HLTF: variants seen among roughly 807,000 people sequenced by gnomAD.
HLTF encodes the protein DNA-dependent ATPase/E3 ubiquitin-protein ligase HLTF.
A neutral mutation model predicts 129.4 loss-of-function variants in HLTF; 127 were observed. The ratio of observed to expected loss-of-function variants is 0.98; its 90% CI spans 0.85 to 1.14. The LOEUF is 1.14. HLTF is among the 50% of genes most tolerant of loss of function. The pLI, the probability that HLTF is intolerant of heterozygous loss-of-function variation, is 0.00. For missense variants in HLTF, 1,139 were observed against 1,187.1 expected (o/e 0.96, Z 0.60); for synonymous variants, 332 against 388.8 (o/e 0.85, Z 1.72).
intron 24 of HLTF, among the ~76,000 whole-genome samples, chr3:149,033,617 A>T (rs1307999208): frequency 1.3e-5 from 2 of 152,080 alleles, no homozygotes; most frequent in Non-Finnish European, 2.9e-5. Context: ...AAATTAGTTT[A>T]TGATGAAAGT....
Position 149,048,141 on chromosome 3 carries a change from T to C in HLTF, c.1779A>G (p.Leu593=). The change falls in exon 17 of 25, where the codon TTA becomes TTG. Residue 593 remains leucine (L), a synonymous_variant. Transcript: ENST00000310053. ...AGGAAAGAAGAGACCACAAGTCCTT[T>C]AAAGAATTCTGGATTGGAGTACCTA... is the stretch of plus-strand genomic sequence containing the variant. ...VLTGTPIQNS[L]KDLWSLLSFL... is the part of the protein sequence containing the mutation. 7 of 1,609,322 alleles carry C rather than the reference T, an allele frequency of 4.3e-6. No individual in the cohort carries two copies. Among genetic ancestry groups the C allele is most frequent in the Non-Finnish European group, 5.9e-6 (7 of 1,178,198 alleles).
At chr3:149,043,672 C>T (rs1221953978) in intron 18 of HLTF, among the ~76,000 whole-genome samples, 1 of 151,904 alleles carries the variant, frequency 6.6e-6, no homozygotes, top group African/African-American at 2.4e-5. Flanking sequence ...ACCAGGCCAT[C>T]TGATATTTAA....
In HLTF at chr3:149,084,738, C is replaced by T. The variant is rs1438830457; in HGVS notation, c.172G>A (p.Val58Ile). ...TGACCTCTCAAACTTCCAAATAAAA[C>T]GGAATCTACTTCTTCATCACTAGTT... The part of the protein sequence containing the change: ...FLTSDEEVDS[V>I]LFGSLRGHVV... Residue 58 changes from valine to isoleucine, a missense_variant, in exon 2 of 25, where the codon GTT becomes ATT. By Grantham distance (29) the Val-to-Ile change is conservative. Coordinates refer to ENST00000310053, the MANE Select transcript of HLTF (RefSeq NM_003071.4). 8 of 1,613,924 alleles carry T rather than the reference C, an allele frequency of 5.0e-6. No individual in the cohort carries two copies. Among genetic ancestry groups the T allele is most frequent in the South Asian group, 1.1e-5 (1 of 91,082 alleles).
chr3:149,037,899 C>T (rs541665122), intron 23 of HLTF, among the ~76,000 whole-genome samples: 24 of 152,312 alleles, frequency 1.6e-4, no homozygotes, highest in Middle Eastern at 6.8e-3. Context: ...TATGTGAATG[C>T]ACGTCCAGGT....
At chr3:149,079,368 G>T (rs2108066613) in intron 2 of HLTF, among the ~76,000 whole-genome samples, 2 of 31,602 alleles carry the variant, frequency 6.3e-5, no homozygotes, top group Admixed American at 4.1e-4. Flanking sequence ...GGTAACGACA[G>T]TTTCTAAAAA....
At chr3:149,046,962 T>C (rs574730137) in intron 17 of HLTF, among the ~76,000 whole-genome samples, 1 of 152,304 alleles carries the variant, frequency 6.6e-6, no homozygotes, top group East Asian at 1.9e-4. Context: ...TCTTGAAGCT[T>C]TCTCACTATA....
At chr3:149,046,043 A>C in intron 18 of HLTF, 37 bp downstream of exon 18, 1 of 1,519,530 alleles carries the variant, frequency 6.6e-7, no homozygotes, top group South Asian at 1.2e-5. Context: ...CAAAGTAAAC[A>C]AAAACTAATT....
intron 23 of HLTF, among the ~76,000 whole-genome samples, chr3:149,038,068 C>T (rs1715806245): frequency 6.6e-6 from 1 of 152,164 alleles, no homozygotes; most frequent in Admixed American, 6.5e-5. Context: ...TGATCCTAGA[C>T]CACCTGTACC....
At chr3:149,032,887 C>T (rs1203576382) in intron 24 of HLTF, among the ~76,000 whole-genome samples, 8 of 144,986 alleles carry the variant, frequency 5.5e-5, no homozygotes, top group African/African-American at 2.1e-4. Flanking sequence ...GGTGTGAACC[C>T]GGGAGGCGGA....
Position 149,040,156 on chromosome 3 carries a change from G to T in HLTF, c.2377C>A (p.Pro793Thr), listed in dbSNP as rs866816750. 6.2e-7 allele frequency: 1 copy of T among 1,604,098 alleles called. No homozygotes were observed. ...CTGCATAAAGGGCATTTAGCATGTGGCTATATAAGAAAGAACGAAGTATGA... is the reference window on the plus strand; with the variant it reads ...CTGCATAAAGGGCATTTAGCATGTGTCTATATAAGAAAGAACGAAGTATGA... ...CICQVIQNEQ[P>T]HAKCPLCRND... Residue 793 changes from proline (P) to threonine (T), a missense_variant and splice_region_variant, in exon 21 of 25, where the codon CCA (proline) becomes ACA (threonine). Transcript: ENST00000310053.
chr3:149,078,694 A>T (rs1719606270), intron 2 of HLTF, among the ~76,000 whole-genome samples: 1 of 152,040 alleles, frequency 6.6e-6, no homozygotes, highest in Non-Finnish European at 1.5e-5. Flanking sequence ...CGTCTCTACT[A>T]AAAATACAAA....
chr3:149,045,407 C>T (rs368784035), intron 18 of HLTF, among the ~76,000 whole-genome samples: 178 of 152,172 alleles, frequency 1.2e-3, no homozygotes, highest in Middle Eastern at 3.4e-3. Context: ...ATATAAATTC[C>T]TCGAGTGCAG....
intron 18 of HLTF, among the ~76,000 whole-genome samples, chr3:149,044,783 T>C (rs937567474): frequency 6.6e-6 from 1 of 152,128 alleles, no homozygotes; most frequent in African/African-American, 2.4e-5. Context: ...CTCTTTCACA[T>C]GCCATAACAT....
intron 8 of HLTF, among the ~76,000 whole-genome samples, chr3:149,066,396 T>C (rs1718386475): frequency 6.6e-6 from 1 of 152,314 alleles, no homozygotes; most frequent in Admixed American, 6.5e-5. Context: ...TTTTTCTCTA[T>C]AAAGTTCAAA....
intron 10 of HLTF, among the ~76,000 whole-genome samples, chr3:149,062,375 T>C (rs1431299026): frequency 6.6e-6 from 1 of 152,222 alleles, no homozygotes; most frequent in Non-Finnish European, 1.5e-5. Context: ...TCTGAAGCAA[T>C]TAGATTTAGA....
In HLTF at chr3:149,048,636, G is replaced by T. The variant is rs553753484; in HGVS notation, c.1756+227C>A. Among the ~76,000 whole-genome samples the T allele has an allele frequency of 3.4e-3, 514 of 152,206 alleles. 1 individual carries two copies. Among genetic ancestry groups the T allele is most frequent in the African/African-American group, 0.012 (497 of 41,550 alleles). On this transcript the variant is annotated intron_variant, in intron 16 of 24. Coordinates refer to ENST00000310053, the MANE Select transcript of HLTF (RefSeq NM_003071.4). ...CTAGAGTGTCTACTCCATTTCCAAG[G>T]TTCAAGAATAAGTCTAGTGACTGTT...
At chr3:149,053,845 C>T (rs1415112642) in intron 14 of HLTF, among the ~76,000 whole-genome samples, 1 of 152,102 alleles carries the variant, frequency 6.6e-6, no homozygotes, top group Non-Finnish European at 1.5e-5. Context: ...TTTATACCTC[C>T]ATTAATACTC....
intron 1 of HLTF, among the ~76,000 whole-genome samples, chr3:149,085,907 C>T (rs1475167557): frequency 6.6e-6 from 1 of 152,174 alleles, no homozygotes; most frequent in Admixed American, 6.5e-5. Context: ...TCTACTAGCG[C>T]CTCTGCAAAT....
chr3:149,030,097 G>C (rs1221964783), downstream of HLTF: 2 of 152,090 alleles, frequency 1.3e-5, no homozygotes, highest in Admixed American at 1.3e-4. Flanking sequence ...TGAAGATAAA[G>C]TCAAAATTAT....
Sources: allele counts gnomAD v4.1 joint callset (sites outside exome capture counted in the v4.1 genomes callset), GRCh38; gene constraint gnomAD v4.1.1; transcripts MANE v1.5; gene names NCBI Gene and HGNC (gene_info 2026-07-23, HGNC 2026-07-21).